The following FCSK variants were observed in gnomAD, a reference collection of about 807,000 sequenced individuals.
FCSK encodes L-fucose kinase.
A neutral mutation model predicts 122.5 loss-of-function variants in FCSK; 123 were observed. That is an observed-to-expected ratio of 1.00 (90% CI 0.87 to 1.17). FCSK has a LOEUF of 1.17. FCSK is among the 50% of genes most tolerant of loss of function. FCSK has a pLI of 0.00. For missense variants in FCSK, 1,366 were observed against 1,450.4 expected (o/e 0.94, Z 0.95); for synonymous variants, 620 against 625.5 (o/e 0.99, Z 0.13).
chr16:70,475,397 C>A lies in FCSK; in HGVS notation c.2425C>A (p.His809Asn). ...AFICAGIVHV[H>N]SELQLSEQLL... ...CATCTGTGCAGGGATCGTGCATGTC[C>A]ACTCGGAACTCCAGCTGAGTGAGCA... Residue 809 changes from histidine to asparagine, a missense_variant, in exon 19 of 24, where the codon CAC (histidine) becomes AAC (asparagine). Coordinates refer to ENST00000288078, the MANE Select transcript of FCSK (RefSeq NM_145059.3). 6.2e-7 allele frequency: 1 copy of A among 1,610,540 alleles called. No individual in the cohort carries two copies.
intron 22 of FCSK, 71 bp from the exon 23 acceptor site, chr16:70,479,109 C>A: frequency 8.3e-7 from 1 of 1,210,142 alleles, no homozygotes; most frequent in Non-Finnish European, 1.2e-6. Flanking sequence ...CGTCTTGGCA[C>A]TTCATGCAAT....
At position 70,473,372 on chromosome 16, in the gene FCSK, A is replaced by G; in HGVS notation, c.1777+19A>G. The G allele has an allele frequency of 6.8e-7, 1 of 1,473,314 alleles. No homozygotes were observed. 91.3% of individuals were successfully genotyped at this position (1,473,314 alleles called of 1,614,324 possible). A position where few individuals can be genotyped will look rare whatever the true frequency, so the allele number is the denominator to read the frequency against. On this transcript the variant is annotated intron_variant, in intron 15 of 23. Transcript: ENST00000288078. The surrounding 1 kb of genome is among the most constrained non-coding windows in gnomAD (Gnocchi z 4.9). ...GACCAGGGTGAGTGTGCAGGCTGGT[A>G]GTGCTGCAGAATCAGGCCAGGGGCA... is the stretch of plus-strand genomic sequence containing the variant.
At position 70,469,274 on chromosome 16, in the gene FCSK, C is replaced by T. The variant is rs774127451; in HGVS notation, c.906C>T (p.Ser302=). ...GDADVAGYLQ[S]ARAQLWRELR... Reference sequence around the variant, plus strand: ...CAGATGTAGCGGGTTATCTGCAGAGCGCCCGGGCCCAGCTGTGGAGGGAGC... The same window carrying T: ...CAGATGTAGCGGGTTATCTGCAGAGTGCCCGGGCCCAGCTGTGGAGGGAGC... The change falls in exon 10 of 24, where the codon AGC becomes AGT. Residue 302 remains serine (S), a synonymous_variant. Transcript: ENST00000288078. 1.1e-5 allele frequency: 18 copies of T among 1,612,430 alleles called. No homozygotes were observed. Among genetic ancestry groups the T allele is most frequent in the East Asian group, 6.7e-5 (3 of 44,874 alleles).
chr16:70,474,384 G>A (rs772672410), intron 16 of FCSK, 45 bp downstream of exon 16: 90 of 1,591,528 alleles, frequency 5.7e-5, no homozygotes, highest in Non-Finnish European at 7.3e-5. Flanking sequence ...GCCCCTTGCT[G>A]TCTGGGAAGT....
intron 1 of FCSK, 33 bp downstream of exon 1, chr16:70,454,663 C>T (rs8058124): frequency 2.8e-5 from 4 of 140,414 alleles, no homozygotes; most frequent in African/African-American, 5.7e-5. Context: ...CCGCAGCGCC[C>T]CTTGCGCCCC....
At position 70,479,893 on chromosome 16, in the gene FCSK, C is replaced by T. The variant is rs1391284128; in HGVS notation, c.*213C>T. The T allele has an allele frequency of 2.0e-6, 1 of 501,278 alleles. No individual in the cohort carries two copies. The highest frequency in any genetic ancestry group is 3.6e-6 in the Non-Finnish European group (1 of 280,152). 31.1% of individuals were successfully genotyped at this position (501,278 alleles called of 1,614,324 possible). ...GGCCTAGATGTAGCCTCTGTTCCTC[C>T]TGGACATAGGAAGGTCCCAAGCTTA... is the stretch of plus-strand genomic sequence containing the variant. On this transcript the variant is annotated 3_prime_UTR_variant, in exon 24 of 24. Transcript: ENST00000288078.
intron 5 of FCSK, 139 bp from the exon 6 acceptor site, chr16:70,466,743 C>G (rs1180021318): frequency 1.5e-6 from 1 of 678,854 alleles, no homozygotes; most frequent in Non-Finnish European, 2.5e-6. Flanking sequence ...AGTTGTAAAC[C>G]CAGGTCAGAG....
chr16:70,471,918 G>A (rs1057320481), intron 13 of FCSK, among the ~76,000 whole-genome samples: 5 of 150,634 alleles, frequency 3.3e-5, no homozygotes, highest in Non-Finnish European at 7.4e-5. Flanking sequence ...CCATTTTCCT[G>A]CCTCAGCCTC....
At position 70,466,255 on chromosome 16, in the gene FCSK, C is replaced by T. The variant is rs947283993; in HGVS notation, c.409C>T (p.Arg137Trp). 33 of 1,613,880 alleles carry T rather than the reference C, an allele frequency of 2.0e-5. No homozygotes were observed. Among genetic ancestry groups the T allele is most frequent in the Admixed American group, 6.7e-5 (4 of 60,006 alleles). ...CTGCCTGCTGGACATCATGACCTAT[C>T]GGGTGAGGCTGGGTGGTGGCCCGTG... ...LDCLLDIMTY[R>W]LGPGSPPGVW... is the part of the protein sequence containing the mutation. Residue 137 changes from arginine (R) to tryptophan (W), a missense_variant and splice_region_variant, in exon 5 of 24, where the codon CGG becomes TGG. Arg to Trp is a moderately radical substitution (Grantham distance 101, BLOSUM62 -3). Coordinates refer to ENST00000288078, the MANE Select transcript of FCSK (RefSeq NM_145059.3).
rs182283973 is a variant in FCSK, at chr16:70,470,145, C to G, written c.956-169C>G. Among the ~76,000 whole-genome samples, 503 of 152,314 alleles carry G rather than the reference C, an allele frequency of 3.3e-3. 2 individuals are homozygous for G. The highest frequency in any genetic ancestry group is 0.011 in the African/African-American group (449 of 41,568). ...GGCGTGAGCCACTGTGCCCGGCCAACCTGTCTACTTTCTAGCTGTGTTGTG... is the reference window on the plus strand; with the variant it reads ...GGCGTGAGCCACTGTGCCCGGCCAAGCTGTCTACTTTCTAGCTGTGTTGTG... On this transcript the variant is annotated intron_variant, in intron 10 of 23. Coordinates refer to ENST00000288078, the MANE Select transcript of FCSK (RefSeq NM_145059.3).
chr16:70,458,532 T>C (rs2048165280), intron 1 of FCSK, among the ~76,000 whole-genome samples: 1 of 151,758 alleles, frequency 6.6e-6, no homozygotes, highest in Non-Finnish European at 1.5e-5. Context: ...AGTGGCGTGA[T>C]CTTGGCTCAC....
intron 1 of FCSK, among the ~76,000 whole-genome samples, chr16:70,460,460 A>G (rs966574513): frequency 1.3e-5 from 2 of 151,410 alleles, no homozygotes; most frequent in African/African-American, 4.8e-5. Context: ...GCTGGAGTGC[A>G]GTGGTGTGAT....
rs1428742108 is a variant in FCSK at position 70,463,786 on chromosome 16, C to G, written c.234+12C>G. 1.3e-6 allele frequency: 2 copies of G among 1,599,666 alleles called. No homozygotes were observed. The highest frequency in any genetic ancestry group is 2.3e-5 in the East Asian group (1 of 44,116). ...GGGCAGGCTTCACTGTGAGTGCTCA[C>G]CAGGGCCACCTCCCTGGTCTGTGTC... is the stretch of plus-strand genomic sequence containing the variant. On this transcript the variant is annotated intron_variant, in intron 3 of 23. Coordinates refer to ENST00000288078, the MANE Select transcript of FCSK (RefSeq NM_145059.3).
rs777293179 is a variant in FCSK, at chr16:70,467,901, A to G, written c.598A>G (p.Ile200Val). Residue 200 changes from isoleucine to valine, a missense_variant, in exon 8 of 24, where the codon ATT becomes GTT. Transcript: ENST00000288078. ...LTDPQGLVLDIYYQGTEAEIQ... is the reference protein window; with the variant it reads ...LTDPQGLVLDVYYQGTEAEIQ... ...CTGCACATAGGGCCTTGTTTTGGACATTTACTACCAGGGCACTGAGGCAGA... is the reference window on the plus strand; with the variant it reads ...CTGCACATAGGGCCTTGTTTTGGACGTTTACTACCAGGGCACTGAGGCAGA... 62 of 1,613,904 alleles carry G rather than the reference A, an allele frequency of 3.8e-5. No individual in the cohort carries two copies. The highest frequency in any genetic ancestry group is 5.0e-5 in the Non-Finnish European group (59 of 1,179,960).
rs2048380031 is a variant in FCSK at position 70,465,186 on chromosome 16, C to A, written c.285+10C>A. The A allele has an allele frequency of 1.2e-6, 2 of 1,604,890 alleles. No homozygotes were observed. The highest frequency in any genetic ancestry group is 2.2e-5 in the South Asian group (2 of 90,436). ...CCTCATTCTGCACATGGTAAATGAA[C>A]TTTGGGGCAGGGGCCAAGCAGAAGG... is the stretch of plus-strand genomic sequence containing the variant. On this transcript the variant is annotated intron_variant, in intron 4 of 23. Transcript: ENST00000288078.
rs191999968 is a variant in FCSK at position 70,467,994 on chromosome 16, G to A, written c.663+28G>A. On this transcript the variant is annotated intron_variant, in intron 8 of 23. Transcript: ENST00000288078. ...ATGGCTGCTGGGCCCAGGTTGCGGG[G>A]CTTTGGGGACCTTATGGGACAGGGA... 182 of 1,577,012 alleles carry A rather than the reference G, an allele frequency of 1.2e-4. No individual in the cohort carries two copies. The African/African-American group carries it at 2.2e-3, about 19-fold the overall frequency.
intron 9 of FCSK, 27 bp downstream of exon 9, chr16:70,468,995 G>A (rs1305249092): frequency 1.2e-5 from 19 of 1,611,260 alleles, no homozygotes; most frequent in Non-Finnish European, 1.6e-5. Context: ...AGCTAGGTGG[G>A]GCCTGGCTTG....
At chr16:70,471,652 G>A (rs943322508) in intron 13 of FCSK, among the ~76,000 whole-genome samples, 1 of 152,066 alleles carries the variant, frequency 6.6e-6, no homozygotes, top group African/African-American at 2.4e-5. Context: ...AGGCTGGAGT[G>A]CAGTGGCCCA....
intron 1 of FCSK, among the ~76,000 whole-genome samples, chr16:70,456,976 C>G (rs1367952662): frequency 6.6e-6 from 1 of 151,586 alleles, no homozygotes; most frequent in Non-Finnish European, 1.5e-5. Flanking sequence ...GCCAAGATTG[C>G]GCCACTGCAC....
Sources: gnomAD v4.1 joint callset for allele counts (sites outside exome capture counted in the v4.1 genomes callset) on GRCh38, gnomAD v4.1.1 for gene constraint, Gnocchi (gnomAD v3.1) non-coding constraint, MANE v1.5 for transcripts, NCBI Gene and HGNC (gene_info 2026-07-23, HGNC 2026-07-21) for gene names.